Variants in SHROOM3 observed in about 807,000 individuals in gnomAD.
The protein encoded by SHROOM3 is shroom family member 3, also known as protein Shroom3.
In SHROOM3, 47 loss-of-function variants were observed where a neutral mutation model predicts 138.6. That is an observed-to-expected ratio of 0.34 (90% CI 0.27 to 0.43). The LOEUF (loss-of-function observed/expected upper bound fraction) is 0.43. Among genes scored for constraint, SHROOM3 ranks in the 20% least tolerant of loss-of-function variants. The pLI, the probability that SHROOM3 is intolerant of heterozygous loss-of-function variation, is 1.00. For missense variants in SHROOM3, 2,491 were observed against 2,596.5 expected (o/e 0.96, Z 0.88); for synonymous variants, 1,062 against 1,063.3 (o/e 1.00, Z 0.02).
intron 2 of SHROOM3, among the ~76,000 whole-genome samples, chr4:76,589,469 T>TA (rs60606785): frequency 0.011 from 1,530 of 135,566 alleles, 16 homozygotes; most frequent in Middle Eastern, 0.036. Context: ...CTCTGTCTCA[T>TA]AAAAAAAAAA....
At chr4:76,561,951 C>T (rs1011049820) in intron 2 of SHROOM3, among the ~76,000 whole-genome samples, 5 of 151,980 alleles carry the variant, frequency 3.3e-5, no homozygotes, top group Admixed American at 1.3e-4. Flanking sequence ...GCGGAGGTTA[C>T]GGTGAGCCAA....
chr4:76,693,782 TA>T (rs1245498631), intron 2 of SHROOM3, among the ~76,000 whole-genome samples: 4 of 151,132 alleles, frequency 2.6e-5, no homozygotes, highest in Non-Finnish European at 4.4e-5. Context: ...CCAGCAGAAG[TA>T]AACTCCAAAG....
At chr4:76,480,656 T>G (rs1212376288) in intron 1 of SHROOM3, among the ~76,000 whole-genome samples, 1 of 152,156 alleles carries the variant, frequency 6.6e-6, no homozygotes, top group Non-Finnish European at 1.5e-5. Context: ...TACAGAACTC[T>G]CCATCCCAAA....
chr4:76,711,788 A>ATATTTATATAATGTTATATAAAC (rs1479443440), intron 3 of SHROOM3, among the ~76,000 whole-genome samples: 1 of 149,700 alleles, frequency 6.7e-6, no homozygotes, highest in Non-Finnish European at 1.5e-5. Flanking sequence ...GTTATATAAT[A>ATATTTATATAATGTTATATAAAC]AAACAACACT....
At chr4:76,598,151 C>T (rs978787403) in intron 2 of SHROOM3, among the ~76,000 whole-genome samples, 16 of 152,118 alleles carry the variant, frequency 1.1e-4, no homozygotes, top group East Asian at 5.8e-4. Context: ...CTTAGCCTAC[C>T]GAGTAGCTGG....
rs548273527 is a variant in SHROOM3, at chr4:76,667,514, C to G, written c.324-42642C>G. 2.0e-4 allele frequency among the ~76,000 whole-genome samples: 30 copies of G among 152,064 alleles called. No homozygotes were observed. The South Asian group carries it at 6.2e-3, about 32-fold the overall frequency. ...AAATTATTTTTTGTAGAAACAAGGT[C>G]TCACTCTGTTGCTGGTCTTCAACTC... is the stretch of plus-strand genomic sequence containing the variant. On this transcript the variant is annotated intron_variant, in intron 2 of 10. Transcript: ENST00000296043.
chr4:76,740,693 C>G lies in SHROOM3; in HGVS notation c.2520C>G (p.Pro840=). The G allele has an allele frequency of 6.2e-7, 1 of 1,614,030 alleles. No individual in the cohort carries two copies. The highest frequency in any genetic ancestry group is 8.5e-7 in the Non-Finnish European group (1 of 1,180,036). Residue 840 remains proline, a synonymous_variant, in exon 5 of 11, where the codon CCC becomes CCG. Coordinates refer to ENST00000296043, the MANE Select transcript of SHROOM3 (RefSeq NM_020859.4). The surrounding 1 kb of genome is among the most constrained non-coding windows in gnomAD (Gnocchi z 4.0). ...AHIRFSESAE[P]LGNGEQHFKN... ...TTCGTTTCTCTGAGTCAGCTGAACC[C>G]CTAGGCAACGGGGAGCAGCACTTCA...
intron 2 of SHROOM3, among the ~76,000 whole-genome samples, chr4:76,693,040 A>G (rs781643508): frequency 6.6e-6 from 1 of 152,236 alleles, no homozygotes; most frequent in Non-Finnish European, 1.5e-5. Flanking sequence ...ACAAGAGTAT[A>G]CATCCCACAT....
chr4:76,710,062 C>G, intron 2 of SHROOM3, 94 bp from the exon 3 acceptor site: 1 of 1,563,664 alleles, frequency 6.4e-7, no homozygotes, highest in South Asian at 1.1e-5. Context: ...CTCCGGGGTT[C>G]GTTTTCATGT....
chr4:76,727,765 G>A (rs1157618985), intron 3 of SHROOM3, among the ~76,000 whole-genome samples: 2 of 151,852 alleles, frequency 1.3e-5, no homozygotes, highest in Non-Finnish European at 2.9e-5. Context: ...GGCACAGCCT[G>A]TAATCCCAGC....
intron 3 of SHROOM3, among the ~76,000 whole-genome samples, chr4:76,726,541 T>A (rs1401055523): frequency 1.3e-4 from 12 of 90,822 alleles, no homozygotes; most frequent in Non-Finnish European, 1.8e-4. Context: ...CCCCTCCATC[T>A]AAAAAAAAAA....
At position 76,696,606 on chromosome 4, in the gene SHROOM3, C is replaced by T. The variant is rs572133260; in HGVS notation, c.324-13550C>T. On this transcript the variant is annotated intron_variant, in intron 2 of 10. Coordinates refer to ENST00000296043, the MANE Select transcript of SHROOM3 (RefSeq NM_020859.4). ...TCATAGGCTGGCCTGGCCTGGCGTCCCTGACCTGCCAAACTCCTCCCTGAG... is the reference window on the plus strand; with the variant it reads ...TCATAGGCTGGCCTGGCCTGGCGTCTCTGACCTGCCAAACTCCTCCCTGAG... 2.6e-5 allele frequency among the ~76,000 whole-genome samples: 4 copies of T among 152,300 alleles called. No homozygotes were observed. In the South Asian group the frequency reaches 6.2e-4, roughly 24 times the overall value.
chr4:76,633,656 C>CAAAA (rs869138315), intron 2 of SHROOM3, among the ~76,000 whole-genome samples: 179 of 88,430 alleles, frequency 2.0e-3, no homozygotes, highest in Non-Finnish European at 2.5e-3. Context: ...GACTCCGTCT[C>CAAAA]AAAAAAAAAA....
At chr4:76,493,695 T>C (rs1416294354) in intron 1 of SHROOM3, among the ~76,000 whole-genome samples, 2 of 152,168 alleles carry the variant, frequency 1.3e-5, no homozygotes, top group African/African-American at 4.8e-5. Context: ...AAAGTGAAAA[T>C]ATTGGCCGGG....
In SHROOM3 at chr4:76,694,986, G is replaced by T. The variant is rs575780668; in HGVS notation, c.324-15170G>T. ...ACCATCCTGTCAATTAATGGATGAG[G>T]TCTGTAATAGATGTCAACTATCTTT... On this transcript the variant is annotated intron_variant, in intron 2 of 10. Transcript: ENST00000296043. Among the ~76,000 whole-genome samples the T allele has an allele frequency of 5.1e-4, 78 of 152,310 alleles. 1 individual carries two copies. The South Asian group carries it at 0.014, about 28-fold the overall frequency.
At chr4:76,554,406 GT>G (rs1218337083) in intron 1 of SHROOM3, among the ~76,000 whole-genome samples, 15 of 141,804 alleles carry the variant, frequency 1.1e-4, no homozygotes, top group African/African-American at 3.1e-4. Context: ...TTTTTTTGTT[GT>G]TTTTTGTTTG....
At chr4:76,631,426 T>C (rs570024220) in intron 2 of SHROOM3, among the ~76,000 whole-genome samples, 39 of 152,058 alleles carry the variant, frequency 2.6e-4, no homozygotes, top group Non-Finnish European at 5.0e-4. Flanking sequence ...TTGGCCAGGC[T>C]GGTCTTGAAC....
intron 2 of SHROOM3, among the ~76,000 whole-genome samples, chr4:76,683,378 G>A (rs981064307): frequency 5.3e-5 from 8 of 152,052 alleles, no homozygotes; most frequent in South Asian, 2.1e-4. Flanking sequence ...TTGTGTTCTC[G>A]CACAAATTCT....
In SHROOM3 at chr4:76,749,032, C is replaced by T. The variant is rs766071793; in HGVS notation, c.3769C>T (p.Gln1257Ter). The change falls in exon 6 of 11, where the codon CAA (glutamine) becomes TAA (stop). Residue 1257 changes from glutamine to a stop codon, truncating the protein, a stop_gained. Coordinates refer to ENST00000296043, the MANE Select transcript of SHROOM3 (RefSeq NM_020859.4). LOFTEE classifies it high-confidence loss of function. Reference sequence around the variant, plus strand: ...GTGTTTCAAGGATGTGCTTTTGGGGCAAGACAGTGGCTTTGGTCTTGTGAA... The same window carrying T: ...GTGTTTCAAGGATGTGCTTTTGGGGTAAGACAGTGGCTTTGGTCTTGTGAA... ...ADKRQDVLLG[Q>*]DSGFGLVKDP... 1 of 1,613,850 alleles carries T rather than the reference C, an allele frequency of 6.2e-7. No homozygotes were observed.
Sources: allele counts gnomAD v4.1 joint callset (sites outside exome capture counted in the v4.1 genomes callset), GRCh38; gene constraint gnomAD v4.1.1; non-coding constraint Gnocchi (gnomAD v3.1); transcripts MANE v1.5; gene names NCBI Gene and HGNC (gene_info 2026-07-23, HGNC 2026-07-21).